The following BSPRY variants were observed in gnomAD, a reference collection of about 807,000 sequenced individuals.
BSPRY encodes the protein B-box and SPRY domain containing, also known as B box and SPRY domain-containing protein.
BSPRY carries 33 observed loss-of-function variants against 38.0 expected under a neutral mutation model. The observed-to-expected ratio is 0.87, with a 90% CI of 0.66 to 1.16. The LOEUF (loss-of-function observed/expected upper bound fraction) is 1.16, where lower values mean the gene tolerates loss of function less well. BSPRY is among the 50% of genes most tolerant of loss of function. BSPRY has a pLI of 0.00. For missense variants in BSPRY, 523 were observed against 533.2 expected (o/e 0.98, Z 0.19); for synonymous variants, 224 against 228.5 (o/e 0.98, Z 0.18).
At chr9:113,366,742 C>A (rs1422979581) in intron 4 of BSPRY, among the ~76,000 whole-genome samples, 1 of 152,230 alleles carries the variant, frequency 6.6e-6, no homozygotes, top group Non-Finnish European at 1.5e-5. Flanking sequence ...GGCAATAGAC[C>A]CTCTGTTGTC....
At chr9:113,362,060 G>A (rs185301900) in intron 3 of BSPRY, among the ~76,000 whole-genome samples, 15 of 152,294 alleles carry the variant, frequency 9.8e-5, no homozygotes, top group Admixed American at 3.3e-4. Flanking sequence ...GGAGCTAACA[G>A]TCTTCATGGG....
chr9:113,367,763 T>G (rs1205534625), intron 4 of BSPRY, among the ~76,000 whole-genome samples: 1 of 152,042 alleles, frequency 6.6e-6, no homozygotes, highest in Non-Finnish European at 1.5e-5. Context: ...AATTAAGGCT[T>G]CTGGGGGGCA....
chr9:113,354,394 T>C, intron 2 of BSPRY, 56 bp downstream of exon 2: 1 of 1,470,092 alleles, frequency 6.8e-7, no homozygotes, highest in Non-Finnish European at 9.5e-7. Flanking sequence ...GGCCTTAGAC[T>C]TAGGGACTTG....
At chr9:113,358,796 C>T in intron 2 of BSPRY, among the ~76,000 whole-genome samples, 1 of 152,098 alleles carries the variant, frequency 6.6e-6, no homozygotes, top group East Asian at 1.9e-4. Context: ...CTGTTTTGAT[C>T]CAGGATCACA....
In BSPRY at chr9:113,349,781, G is replaced by C. The variant is rs1833941148; in HGVS notation, c.201+1G>C. 8.1e-7 allele frequency: 1 copy of C among 1,231,718 alleles called. No individual in the cohort carries two copies. Among genetic ancestry groups the C allele is most frequent in the Non-Finnish European group, 1.0e-6 (1 of 987,978 alleles). 76.3% of individuals were successfully genotyped at this position (1,231,718 alleles called of 1,614,324 possible). ...GGAGGAGCGCGCCGAGGAGCTGCGG[G>C]TGAGCGGGTGTGGGCGCCGGAAGGC... On this transcript the variant is annotated splice_donor_variant, in intron 1 of 5. Transcript: ENST00000374183. LOFTEE classifies it high-confidence loss of function.
At chr9:113,350,986 C>A (rs1242437855) in intron 1 of BSPRY, among the ~76,000 whole-genome samples, 2 of 152,204 alleles carry the variant, frequency 1.3e-5, no homozygotes, top group African/African-American at 4.8e-5. Flanking sequence ...AAGGCAGTAA[C>A]TCCTCCAAGC....
intron 1 of BSPRY, among the ~76,000 whole-genome samples, chr9:113,351,821 T>C (rs1833976957): frequency 6.6e-6 from 1 of 152,166 alleles, no homozygotes; most frequent in African/African-American, 2.4e-5. Context: ...TTATTTATTT[T>C]TGAGACAGTC....
intron 5 of BSPRY, among the ~76,000 whole-genome samples, chr9:113,369,115 T>C (rs1449417817): frequency 6.6e-6 from 1 of 152,204 alleles, no homozygotes; most frequent in Non-Finnish European, 1.5e-5. Context: ...GTTTAGATAT[T>C]TGCTAGAAAT....
chr9:113,359,050 AAAAAAAAAGAT>A (rs1834109566), intron 2 of BSPRY, among the ~76,000 whole-genome samples: 1 of 46,656 alleles, frequency 2.1e-5, no homozygotes, highest in Admixed American at 2.2e-4. Context: ...AAAGAAAAGA[AAAAAAAAAGAT>A]AAAGAAGAGC....
chr9:113,364,392 C>G (rs1834210331), intron 4 of BSPRY, among the ~76,000 whole-genome samples: 1 of 152,150 alleles, frequency 6.6e-6, no homozygotes, highest in Admixed American at 6.5e-5. Flanking sequence ...CACTTCTCCC[C>G]TTGTACAATC....
At chr9:113,363,579 G>C (rs1466609975) in intron 4 of BSPRY, among the ~76,000 whole-genome samples, 1 of 152,060 alleles carries the variant, frequency 6.6e-6, no homozygotes, top group East Asian at 1.9e-4. Context: ...CGGTTTTTTG[G>C]TTGTTGTCTT....
chr9:113,353,532 GTC>G (rs201894376), intron 1 of BSPRY, among the ~76,000 whole-genome samples: 8,934 of 152,018 alleles, frequency 0.059, 808 homozygotes, highest in African/African-American at 0.19. Flanking sequence ...GTGAAACCCT[GTC>G]TCTACTAAAA....
chr9:113,357,886 CTATATATATATATATATATA>C (rs59328879), intron 2 of BSPRY, among the ~76,000 whole-genome samples: 2,304 of 96,676 alleles, frequency 0.024, 112 homozygotes, highest in Middle Eastern at 0.062. Flanking sequence ...CTGTAGAGTT[CTATATATATATATATATATA>C]TATATATATA....
At position 113,369,755 on chromosome 9, in the gene BSPRY, T is replaced by C; in HGVS notation, c.822T>C (p.Asn274=). The C allele has an allele frequency of 1.2e-6, 2 of 1,614,220 alleles. No homozygotes were observed. Among genetic ancestry groups the C allele is most frequent in the Admixed American group, 1.7e-5 (1 of 60,026 alleles). The change falls in exon 6 of 6, where the codon AAT becomes AAC. Residue 274 remains asparagine (N), a synonymous_variant. Transcript: ENST00000374183. The part of the protein sequence containing the change: ...DGPERFDHWP[N]ALAATSFQNG... ...CGGAGCGCTTCGACCACTGGCCCAA[T>C]GCCCTGGCTGCCACCTCCTTCCAGA...
chr9:113,370,124 C>T lies in BSPRY; in HGVS notation c.1191C>T (p.Thr397=), dbSNP rs1344583051. The T allele has an allele frequency of 6.3e-7, 1 of 1,577,826 alleles. No individual in the cohort carries two copies. The highest frequency in any genetic ancestry group is 1.4e-5 in the African/African-American group (1 of 73,764). Residue 397 remains threonine (T), a synonymous_variant, in exon 6 of 6, where the codon ACC becomes ACT. Transcript: ENST00000374183. The surrounding 1 kb of genome is among the most constrained non-coding windows in gnomAD (Gnocchi z 4.8). ...LFPVFAVADQ[T]ISIVR ...CAGTCTTTGCTGTGGCCGATCAGAC[C>T]ATTTCTATCGTCCGCTGACCTCTGG...
chr9:113,353,644 A>C (rs1007816072), intron 1 of BSPRY, among the ~76,000 whole-genome samples: 25 of 152,156 alleles, frequency 1.6e-4, no homozygotes, highest in African/African-American at 6.0e-4. Flanking sequence ...TGGAAGTTGC[A>C]GTGAGCCGAG....
chr9:113,365,172 G>T (rs1330812170), intron 4 of BSPRY, among the ~76,000 whole-genome samples: 2 of 152,026 alleles, frequency 1.3e-5, no homozygotes, highest in Non-Finnish European at 2.9e-5. Flanking sequence ...TGTCTGCCAG[G>T]TTTCCTCATT....
intron 4 of BSPRY, among the ~76,000 whole-genome samples, chr9:113,366,177 C>G (rs1834247848): frequency 6.6e-6 from 1 of 152,102 alleles, no homozygotes; most frequent in South Asian, 2.1e-4. Context: ...TACATTTGTA[C>G]CTTTTGTTAT....
chr9:113,354,219 C>G (rs2118906021), intron 1 of BSPRY, 21 bp from the exon 2 acceptor site: 5 of 1,607,556 alleles, frequency 3.1e-6, no homozygotes, highest in Non-Finnish European at 3.4e-6. Context: ...CAAGATGCCA[C>G]AAGCGTTGTT....
Sources: allele counts gnomAD v4.1 joint callset (sites outside exome capture counted in the v4.1 genomes callset), GRCh38; gene constraint gnomAD v4.1.1; non-coding constraint Gnocchi (gnomAD v3.1); transcripts MANE v1.5; gene names NCBI Gene and HGNC (gene_info 2026-07-23, HGNC 2026-07-21).